Variants in BBX observed in about 807,000 individuals in gnomAD.
BBX encodes BBX high mobility group box domain containing, also known as HMG box transcription factor BBX.
Under a neutral mutation model 100.2 loss-of-function variants are expected in BBX, and 30 were observed. The ratio of observed to expected loss-of-function variants is 0.30; its 90% CI spans 0.22 to 0.41. The LOEUF (loss-of-function observed/expected upper bound fraction) is 0.41. Ranked by LOEUF, BBX falls within the 10% of genes least tolerant of loss-of-function variation. BBX has a pLI of 1.00. For missense variants in BBX, 1,023 were observed against 1,129.8 expected, an observed-to-expected ratio of 0.91 and a Z score of 1.35; for synonymous variants, 376 against 388.1, an observed-to-expected ratio of 0.97 and a Z score of 0.37.
intron 2 of BBX, among the ~76,000 whole-genome samples, chr3:107,575,230 C>G (rs2051684597): frequency 6.6e-6 from 1 of 152,212 alleles, no homozygotes; most frequent in Non-Finnish European, 1.5e-5. Flanking sequence ...CCGTCCTCCC[C>G]TTTTCCTCTC....
chr3:107,708,569 G>T lies in BBX; in HGVS notation c.-9-1883G>T, dbSNP rs1411124004. On this transcript the variant is annotated intron_variant, in intron 3 of 17. Coordinates refer to ENST00000325805, the MANE Select transcript of BBX (RefSeq NM_001142568.3). Reference sequence around the variant, plus strand: ...GGCGCCCGTAGTCCCAGCTACTCAGGAGGCTGAGGCAGAAGAATTGCTTGA... The same window carrying T: ...GGCGCCCGTAGTCCCAGCTACTCAGTAGGCTGAGGCAGAAGAATTGCTTGA... 2.0e-5 allele frequency among the ~76,000 whole-genome samples: 3 copies of T among 151,614 alleles called. No individual in the cohort carries two copies. In the East Asian group the frequency reaches 5.8e-4, roughly 29 times the overall value.
intron 3 of BBX, 60 bp from the exon 4 acceptor site, chr3:107,710,392 T>C (rs2061639929): frequency 7.3e-7 from 1 of 1,368,164 alleles, no homozygotes; most frequent in Non-Finnish European, 1.0e-6. Flanking sequence ...CTTTGATTTA[T>C]CTCGGTGTCT....
intron 2 of BBX, among the ~76,000 whole-genome samples, chr3:107,598,467 A>G (rs1369518356): frequency 6.6e-6 from 1 of 152,216 alleles, no homozygotes; most frequent in Non-Finnish European, 1.5e-5. Context: ...CAGATCTAAA[A>G]TAGCTTAATA....
chr3:107,564,322 A>G (rs941443535), intron 2 of BBX, among the ~76,000 whole-genome samples: 17 of 152,186 alleles, frequency 1.1e-4, no homozygotes, highest in Admixed American at 3.3e-4. Context: ...ACATATATTT[A>G]TATGGCAAAT....
In BBX at chr3:107,728,972, C is replaced by T. The variant is rs2063142471; in HGVS notation, c.601+12C>T. On this transcript the variant is annotated intron_variant, in intron 6 of 17. Coordinates refer to ENST00000325805, the MANE Select transcript of BBX (RefSeq NM_001142568.3). ...CTTTGGAATGGCTGGTGAGTTGAGA[C>T]ACTATTTCCACCTATTCTTTAAGGA... 1 of 1,610,534 alleles carries T rather than the reference C, an allele frequency of 6.2e-7. No homozygotes were observed. Among genetic ancestry groups the T allele is most frequent in the Non-Finnish European group, 8.5e-7 (1 of 1,177,998 alleles).
intron 10 of BBX, among the ~76,000 whole-genome samples, chr3:107,771,646 C>T (rs1029840885): frequency 6.6e-6 from 1 of 152,082 alleles, no homozygotes; most frequent in Non-Finnish European, 1.5e-5. Context: ...GAATTTGCAG[C>T]CAGCTGAGTT....
At chr3:107,688,053 GA>G (rs910735832) in intron 3 of BBX, among the ~76,000 whole-genome samples, 20 of 149,860 alleles carry the variant, frequency 1.3e-4, no homozygotes, top group African/African-American at 4.4e-4. Context: ...AACTCCATCT[GA>G]AAAAAAAAGA....
chr3:107,564,185 G>A (rs1310669189), intron 2 of BBX, among the ~76,000 whole-genome samples: 2 of 151,820 alleles, frequency 1.3e-5, no homozygotes, highest in African/African-American at 4.8e-5. Context: ...GAAATGACCT[G>A]CTTATATGTC....
chr3:107,687,858 C>A (rs1487419343), intron 3 of BBX, among the ~76,000 whole-genome samples: 1 of 152,062 alleles, frequency 6.6e-6, no homozygotes, highest in African/African-American at 2.4e-5. Flanking sequence ...AGTTCGAGAC[C>A]AGCTTGGCCA....
rs532545320 is a variant in BBX at position 107,525,801 on chromosome 3, C to T, written c.-155-526C>T. 2.0e-5 allele frequency among the ~76,000 whole-genome samples: 3 copies of T among 152,258 alleles called. No homozygotes were observed. The East Asian group carries it at 5.8e-4, about 29-fold the overall frequency. ...CTATCTCCAATCTGGGGATTGTGAC[C>T]CGGGCTGGGTGTTTGGGAGACGGCA... On this transcript the variant is annotated intron_variant, in intron 1 of 17. Coordinates refer to ENST00000325805, the MANE Select transcript of BBX (RefSeq NM_001142568.3).
chr3:107,770,829 A>G (rs1481706138), intron 10 of BBX, among the ~76,000 whole-genome samples: 1 of 152,174 alleles, frequency 6.6e-6, no homozygotes, highest in Non-Finnish European at 1.5e-5. Context: ...CTTACTAATC[A>G]TAACATAATT....
chr3:107,670,179 C>T (rs1366209948), intron 3 of BBX, among the ~76,000 whole-genome samples: 2 of 151,964 alleles, frequency 1.3e-5, no homozygotes, highest in African/African-American at 4.8e-5. Context: ...CAAAATAGAT[C>T]ACTAATACAT....
At chr3:107,573,336 G>T (rs750231365) in intron 2 of BBX, among the ~76,000 whole-genome samples, 11 of 152,132 alleles carry the variant, frequency 7.2e-5, no homozygotes, top group Non-Finnish European at 1.5e-4. Context: ...GATGCGGGTG[G>T]ATCACAAGGT....
At chr3:107,533,680 A>T (rs1329185527) in intron 2 of BBX, among the ~76,000 whole-genome samples, 2 of 152,246 alleles carry the variant, frequency 1.3e-5, no homozygotes, top group African/African-American at 4.8e-5. Context: ...TTAAACACAC[A>T]CTAAAATCTG....
intron 15 of BBX, among the ~76,000 whole-genome samples, chr3:107,794,095 A>G (rs1162628444): frequency 6.6e-6 from 1 of 152,152 alleles, no homozygotes; most frequent in African/African-American, 2.4e-5. Flanking sequence ...CCACCTAGTT[A>G]TGGTGCCATA....
intron 2 of BBX, among the ~76,000 whole-genome samples, chr3:107,605,884 C>T (rs151004397): frequency 6.6e-6 from 1 of 152,172 alleles, no homozygotes; most frequent in East Asian, 1.9e-4. Flanking sequence ...TTTCTTGTCC[C>T]CAAGCTTTTT....
chr3:107,801,376 A>C (rs2070454101), intron 17 of BBX, 95 bp downstream of exon 17: 1 of 1,393,208 alleles, frequency 7.2e-7, no homozygotes, highest in Non-Finnish European at 9.6e-7. Flanking sequence ...ATTGGGGTTC[A>C]AACTTGGTTC....
At chr3:107,686,481 T>G (rs2059856544) in intron 3 of BBX, among the ~76,000 whole-genome samples, 1 of 152,090 alleles carries the variant, frequency 6.6e-6, no homozygotes. Flanking sequence ...CTGTGGTGAT[T>G]TTTAAGTAGG....
intron 2 of BBX, among the ~76,000 whole-genome samples, chr3:107,561,016 TG>T (rs2050454364): frequency 6.6e-6 from 1 of 152,206 alleles, no homozygotes; most frequent in Non-Finnish European, 1.5e-5. Context: ...GCAGCATCCC[TG>T]GCCTTTTAAC....
Sources: allele counts gnomAD v4.1 joint callset (sites outside exome capture counted in the v4.1 genomes callset), GRCh38; gene constraint gnomAD v4.1.1; transcripts MANE v1.5; gene names NCBI Gene and HGNC (gene_info 2026-07-23, HGNC 2026-07-21).